MACROD1: variants seen among roughly 807,000 people sequenced by gnomAD.
MACROD1 encodes the protein mono-ADP ribosylhydrolase 1.
In MACROD1, 31 loss-of-function variants were observed where a neutral mutation model predicts 41.4. That is an observed-to-expected ratio of 0.75 (90% CI 0.56 to 1.01). MACROD1 has a LOEUF of 1.01. Among genes scored for constraint, MACROD1 ranks in the 50% least tolerant of loss-of-function variants. The probability of loss-of-function intolerance (pLI) is 0.00; values close to 1 mark genes in which losing one functional copy is unlikely to be tolerated. For synonymous variants in MACROD1, 252 were observed against 203.4 expected (o/e 1.24, Z -2.03); for missense variants, 473 against 460.0 (o/e 1.03, Z -0.26).
At chr11:64,140,545 T>C (rs1489099665) in intron 3 of MACROD1, among the ~76,000 whole-genome samples, 1 of 152,222 alleles carries the variant, frequency 6.6e-6, no homozygotes, top group Non-Finnish European at 1.5e-5. Flanking sequence ...TGCTGGCTGA[T>C]GGGATGCCCG....
chr11:64,131,486 C>T (rs1294940817), intron 3 of MACROD1, among the ~76,000 whole-genome samples: 2 of 152,106 alleles, frequency 1.3e-5, no homozygotes, highest in Non-Finnish European at 2.9e-5. Flanking sequence ...GCTACCACGC[C>T]CAGCTAATTT....
intron 1 of MACROD1, among the ~76,000 whole-genome samples, chr11:64,161,432 C>T (rs1028967056): frequency 1.1e-4 from 17 of 152,174 alleles, no homozygotes; most frequent in Non-Finnish European, 1.9e-4. Flanking sequence ...ACCTTTTGAC[C>T]CAAGTAGTGA....
At chr11:64,100,423 G>A (rs1019178150) in intron 3 of MACROD1, among the ~76,000 whole-genome samples, 4 of 152,156 alleles carry the variant, frequency 2.6e-5, no homozygotes, top group African/African-American at 9.7e-5. Context: ...CTCAAAAAAT[G>A]GTTTATTGGT....
intron 4 of MACROD1, among the ~76,000 whole-genome samples, chr11:64,008,749 G>A (rs938628557): frequency 6.6e-6 from 1 of 152,158 alleles, no homozygotes; most frequent in Non-Finnish European, 1.5e-5. Context: ...AGGCAGGCTC[G>A]GCTCCTGCAG....
intron 4 of MACROD1, among the ~76,000 whole-genome samples, chr11:64,007,759 C>T (rs1446866229): frequency 1.3e-5 from 2 of 152,174 alleles, no homozygotes; most frequent in Admixed American, 6.5e-5. Context: ...GGTCCCGGCA[C>T]GCCCACCCTG....
intron 3 of MACROD1, among the ~76,000 whole-genome samples, chr11:64,077,062 G>T (rs888439089): frequency 1.4e-4 from 21 of 152,062 alleles, no homozygotes; most frequent in Admixed American, 4.6e-4. Context: ...AGGGTAGGGG[G>T]GTCCACAGAC....
At chr11:64,152,462 T>G in intron 1 of MACROD1, 69 bp from the exon 2 acceptor site, 1 of 1,217,038 alleles carries the variant, frequency 8.2e-7, no homozygotes, top group South Asian at 1.2e-5. Flanking sequence ...CCCCCACATC[T>G]CCTTTCTTGC....
At chr11:64,163,661 C>T (rs1489637232) in intron 1 of MACROD1, among the ~76,000 whole-genome samples, 1 of 152,224 alleles carries the variant, frequency 6.6e-6, no homozygotes. Context: ...CATCCTCCAG[C>T]CCTAACCAAG....
chr11:64,082,526 C>T lies in MACROD1; in HGVS notation c.518-67245G>A, dbSNP rs1266766268. 2.6e-5 allele frequency among the ~76,000 whole-genome samples: 4 copies of T among 152,108 alleles called. No homozygotes were observed. Among genetic ancestry groups the T allele is most frequent in the Non-Finnish European group, 5.9e-5 (4 of 67,964 alleles). ...GGGTGAAACAAGGCTCGGTGCCTAA[C>T]GGTGGTGGCCGTGGGAGTCAGAGCT... On this transcript the variant is annotated intron_variant, in intron 3 of 10. Coordinates refer to ENST00000255681, the MANE Select transcript of MACROD1 (RefSeq NM_014067.4). The surrounding 1 kb of genome is among the most constrained non-coding windows in gnomAD (Gnocchi z 4.5).
chr11:64,000,163 A>AT, intron 5 of MACROD1, 64 bp downstream of exon 5: 1 of 1,337,310 alleles, frequency 7.5e-7, no homozygotes, highest in African/African-American at 1.4e-5. Flanking sequence ...CGCACCCCTG[A>AT]TGTCCCAGTG....
intron 3 of MACROD1, among the ~76,000 whole-genome samples, chr11:64,089,598 G>A (rs1332828290): frequency 1.3e-5 from 2 of 152,222 alleles, no homozygotes; most frequent in Non-Finnish European, 2.9e-5. Flanking sequence ...TGAAAACTTG[G>A]GGAGACTGTT....
At chr11:64,068,809 T>C (rs559337251) in intron 3 of MACROD1, among the ~76,000 whole-genome samples, 5 of 152,314 alleles carry the variant, frequency 3.3e-5, no homozygotes, top group African/African-American at 7.2e-5. Context: ...CCCCCATCCT[T>C]TGTGGGCCTG....
At chr11:64,124,381 G>A (rs189954180) in intron 3 of MACROD1, among the ~76,000 whole-genome samples, 8 of 152,310 alleles carry the variant, frequency 5.3e-5, no homozygotes, top group South Asian at 4.2e-4. Context: ...ATCCATCACC[G>A]CCGGTGGATG....
chr11:64,079,810 G>A (rs1171662182), intron 3 of MACROD1, among the ~76,000 whole-genome samples: 1 of 152,132 alleles, frequency 6.6e-6, no homozygotes, highest in Non-Finnish European at 1.5e-5. Flanking sequence ...GCTGGGTCTG[G>A]GGACCACTTG....
At chr11:64,029,414 C>A (rs1943265138) in intron 3 of MACROD1, among the ~76,000 whole-genome samples, 1 of 152,146 alleles carries the variant, frequency 6.6e-6, no homozygotes, top group Non-Finnish European at 1.5e-5. Flanking sequence ...TCAGAGCCTC[C>A]TGCATCCCCT....
In MACROD1 at chr11:64,067,320, C is replaced by G. The variant is rs1319726068; in HGVS notation, c.518-52039G>C. Among the ~76,000 whole-genome samples the G allele has an allele frequency of 1.3e-5, 2 of 152,174 alleles. No individual in the cohort carries two copies. The highest frequency in any genetic ancestry group is 2.4e-5 in the African/African-American group (1 of 41,442). On this transcript the variant is annotated intron_variant, in intron 3 of 10. Coordinates refer to ENST00000255681, the MANE Select transcript of MACROD1 (RefSeq NM_014067.4). This position sits in a 1 kb window ranked among gnomAD's most constrained non-coding sequence, Gnocchi z 4.6. ...TGGCCTCCTCCCCACTGCTCAGCCTCTCCCGGAGGATGGTGAGGGGGGAAT... is the reference window on the plus strand; with the variant it reads ...TGGCCTCCTCCCCACTGCTCAGCCTGTCCCGGAGGATGGTGAGGGGGGAAT...
intron 3 of MACROD1, among the ~76,000 whole-genome samples, chr11:64,047,765 C>A (rs1943612048): frequency 6.6e-6 from 1 of 151,976 alleles, no homozygotes. Context: ...GGCATGGTGG[C>A]AGGTGCCTGT....
rs143156375 is a variant in MACROD1, at chr11:64,056,368, C to T, written c.518-41087G>A. Among the ~76,000 whole-genome samples, 630 of 152,266 alleles carry T rather than the reference C, an allele frequency of 4.1e-3. 4 individuals are homozygous for T. The highest frequency in any genetic ancestry group is 0.015 in the African/African-American group (605 of 41,556). ...CCCCGCCCAGGCTCTGCTTCAGTGC[C>T]AGAATGAACAGGCCCCCTCTCCTAG... is the stretch of plus-strand genomic sequence containing the variant. On this transcript the variant is annotated intron_variant, in intron 3 of 10. Coordinates refer to ENST00000255681, the MANE Select transcript of MACROD1 (RefSeq NM_014067.4).
chr11:64,092,033 AG>A, intron 3 of MACROD1, among the ~76,000 whole-genome samples: 1 of 152,254 alleles, frequency 6.6e-6, no homozygotes, highest in Non-Finnish European at 1.5e-5. Context: ...TCAGCTCCTG[AG>A]GGTCCCAAAA....
Sources: gnomAD v4.1 joint callset for allele counts (sites outside exome capture counted in the v4.1 genomes callset) on GRCh38, gnomAD v4.1.1 for gene constraint, Gnocchi (gnomAD v3.1) non-coding constraint, MANE v1.5 for transcripts, NCBI Gene and HGNC (gene_info 2026-07-23, HGNC 2026-07-21) for gene names.